Variants in MCMBP observed in about 807,000 individuals in gnomAD.
The protein encoded by MCMBP is minichromosome maintenance complex binding protein, also known as mini-chromosome maintenance complex-binding protein.
MCMBP carries 31 observed loss-of-function variants against 81.3 expected under a neutral mutation model. That is an observed-to-expected ratio of 0.38 (90% CI 0.29 to 0.51). MCMBP has a LOEUF of 0.51. MCMBP is among the 20% of genes least tolerant of loss of function. The pLI is 0.87. For missense variants in MCMBP, 645 were observed against 772.1 expected (o/e 0.84, Z 1.95); for synonymous variants, 267 against 275.9 (o/e 0.97, Z 0.32).
rs777979677 is a variant in MCMBP at position 119,843,435 on chromosome 10, A to T, written c.828-9T>A. On this transcript the variant is annotated splice_polypyrimidine_tract_variant and intron_variant, in intron 8 of 15. Transcript: ENST00000369077. ...GCAGTGCAGAGGCATCCCTGTGGAG[A>T]GGTGATAAAGTTTCAATTTAGAGAG... 1.9e-6 allele frequency: 3 copies of T among 1,606,638 alleles called. No individual in the cohort carries two copies. Among genetic ancestry groups the T allele is most frequent in the Middle Eastern group, 1.7e-4 (1 of 6,036 alleles).
Position 119,843,294 on chromosome 10 carries a change from T to C in MCMBP, c.960A>G (p.Pro320=). Residue 320 remains proline (P), a synonymous_variant, in exon 9 of 16, where the codon CCA becomes CCG. Coordinates refer to ENST00000369077, the MANE Select transcript of MCMBP (RefSeq NM_001256378.2). ...CTTTGTTAAGGCAGGCAGGCAATAATGGGTTGATGTGTTGCAACTTCTGGG... is the reference window on the plus strand; with the variant it reads ...CTTTGTTAAGGCAGGCAGGCAATAACGGGTTGATGTGTTGCAACTTCTGGG... The part of the protein sequence containing the change: ...ILAQKLQHIN[P]LLPACLNKEE... 2 of 1,613,942 alleles carry C rather than the reference T, an allele frequency of 1.2e-6. No individual in the cohort carries two copies. The highest frequency in any genetic ancestry group is 8.5e-7 in the Non-Finnish European group (1 of 1,179,860).
chr10:119,854,343 G>A (rs983400099), intron 5 of MCMBP, among the ~76,000 whole-genome samples: 25 of 151,214 alleles, frequency 1.7e-4, no homozygotes, highest in African/African-American at 5.6e-4. Flanking sequence ...TGCCTGGTCT[G>A]TTTTTTTAAA....
At position 119,854,666 on chromosome 10, in the gene MCMBP, AT is replaced by A. The variant is rs1305335403; in HGVS notation, c.430-1473del. On this transcript the variant is annotated intron_variant, in intron 5 of 15. Coordinates refer to ENST00000369077, the MANE Select transcript of MCMBP (RefSeq NM_001256378.2). Reference sequence around the variant, plus strand: ...CAACAGATCTGTATTTAAAAAAAAAATAATTGCTGGCCGGGCATAGTGGCTT... The same window carrying A: ...CAACAGATCTGTATTTAAAAAAAAAAAATTGCTGGCCGGGCATAGTGGCTT... Among the ~76,000 whole-genome samples, 3 of 152,034 alleles carry A rather than the reference AT, an allele frequency of 2.0e-5. No homozygotes were observed. The East Asian group carries it at 5.8e-4, about 30-fold the overall frequency.
At chr10:119,871,555 C>A (rs1274666816) in intron 1 of MCMBP, among the ~76,000 whole-genome samples, 1 of 152,136 alleles carries the variant, frequency 6.6e-6, no homozygotes, top group Non-Finnish European at 1.5e-5. Flanking sequence ...ATAAGAAATA[C>A]CATACATTGT....
At position 119,858,451 on chromosome 10, in the gene MCMBP, GGAAT is replaced by G. The variant is rs199735982; in HGVS notation, c.327+429_327+432del. 5.9e-3 allele frequency among the ~76,000 whole-genome samples: 896 copies of G among 152,138 alleles called. 26 individuals are homozygous for G. The highest frequency in any genetic ancestry group is 0.046 in the Admixed American group (701 of 15,290). On this transcript the variant is annotated intron_variant, in intron 4 of 15. Coordinates refer to ENST00000369077, the MANE Select transcript of MCMBP (RefSeq NM_001256378.2). Reference sequence around the variant, plus strand: ...CTGAAAGAGAACATGCCTTTCCTAGGGAATAATATATGACTTTTGAATCTCATCT... The same window carrying G: ...CTGAAAGAGAACATGCCTTTCCTAGGAATATATGACTTTTGAATCTCATCT...
At chr10:119,841,073 A>T (rs1009633477) in intron 10 of MCMBP, 113 bp from the exon 11 acceptor site, 4 of 701,996 alleles carry the variant, frequency 5.7e-6, no homozygotes, top group African/African-American at 5.5e-5. Context: ...AAACCAGAAT[A>T]TTCTGACCAG....
In MCMBP at chr10:119,854,879, G is replaced by A. The variant is rs996210719; in HGVS notation, c.430-1685C>T. 5.3e-5 allele frequency among the ~76,000 whole-genome samples: 8 copies of A among 151,192 alleles called. No homozygotes were observed. In the South Asian group the frequency reaches 6.2e-4, roughly 12 times the overall value. Reference sequence around the variant, plus strand: ...TGAGGCAGGAGAATCACTTGAACCCGGGAAGCGGAGGTTGCAGTGAGCCGA... The same window carrying A: ...TGAGGCAGGAGAATCACTTGAACCCAGGAAGCGGAGGTTGCAGTGAGCCGA... On this transcript the variant is annotated intron_variant, in intron 5 of 15. Transcript: ENST00000369077.
intron 13 of MCMBP, 24 bp downstream of exon 13, chr10:119,836,872 C>A: frequency 6.5e-7 from 1 of 1,534,698 alleles, no homozygotes; most frequent in South Asian, 1.2e-5. Context: ...CAACCTCCCT[C>A]CATTTAAAAA....
At chr10:119,832,231 C>G (rs959750859) in intron 14 of MCMBP, 131 bp from the exon 15 acceptor site, 13 of 617,084 alleles carry the variant, frequency 2.1e-5, no homozygotes, top group Non-Finnish European at 3.6e-5. Flanking sequence ...GTGAAAGTAC[C>G]AAAGCATATA....
chr10:119,843,925 G>C (rs1266300958), intron 8 of MCMBP, among the ~76,000 whole-genome samples: 1 of 152,028 alleles, frequency 6.6e-6, no homozygotes, highest in African/African-American at 2.4e-5. Flanking sequence ...GCCTCTCAAA[G>C]TGCTGGGATT....
intron 9 of MCMBP, 53 bp from the exon 10 acceptor site, chr10:119,842,648 G>A (rs1852473806): frequency 6.4e-7 from 1 of 1,563,974 alleles, no homozygotes; most frequent in East Asian, 2.3e-5. Flanking sequence ...TTCCTCTCAA[G>A]TGTCTTAGGT....
At chr10:119,854,501 G>C (rs1055555665) in intron 5 of MCMBP, among the ~76,000 whole-genome samples, 11 of 150,680 alleles carry the variant, frequency 7.3e-5, no homozygotes, top group Middle Eastern at 3.4e-3. Context: ...TCAGGAGTTC[G>C]AGACCAGCCT....
intron 14 of MCMBP, among the ~76,000 whole-genome samples, chr10:119,833,380 C>CA (rs1852115186): frequency 6.6e-6 from 1 of 151,490 alleles, no homozygotes; most frequent in South Asian, 2.1e-4. Context: ...TGGTGGCTTA[C>CA]ACCTGTAATC....
At chr10:119,862,309 C>T (rs562303441) in intron 1 of MCMBP, among the ~76,000 whole-genome samples, 2 of 151,924 alleles carry the variant, frequency 1.3e-5, no homozygotes, top group Non-Finnish European at 1.5e-5. Flanking sequence ...CTTCGTCCCC[C>T]CCCACACCAC....
intron 1 of MCMBP, among the ~76,000 whole-genome samples, chr10:119,864,897 T>G (rs371148006): frequency 1.1e-4 from 17 of 152,252 alleles, no homozygotes; most frequent in African/African-American, 4.1e-4. Flanking sequence ...TGTTTAGAAG[T>G]GTTCTTCTTA....
At chr10:119,840,451 G>A (rs1357726743) in intron 11 of MCMBP, among the ~76,000 whole-genome samples, 2 of 152,026 alleles carry the variant, frequency 1.3e-5, no homozygotes, top group Non-Finnish European at 2.9e-5. Flanking sequence ...TTCCAAACAG[G>A]AATTAAAATT....
Position 119,871,084 on chromosome 10 carries a change from A to T in MCMBP, c.58+1443T>A, listed in dbSNP as rs1002407028. Among the ~76,000 whole-genome samples, 7 of 152,332 alleles carry T rather than the reference A, an allele frequency of 4.6e-5. No individual in the cohort carries two copies. The East Asian group carries it at 1.4e-3, about 29-fold the overall frequency. On this transcript the variant is annotated intron_variant, in intron 1 of 15. Transcript: ENST00000369077. ...AGAGTATGGGGTATTTCTAATAAAT[A>T]AACTTTCTAATATTAGTAACTGAAA...
intron 6 of MCMBP, among the ~76,000 whole-genome samples, chr10:119,850,565 C>G (rs907798913): frequency 6.6e-6 from 1 of 151,566 alleles, no homozygotes. Context: ...CTGGCTAACA[C>G]GGTGAAACCC....
At chr10:119,849,945 A>C (rs1048412822) in intron 6 of MCMBP, among the ~76,000 whole-genome samples, 3 of 152,224 alleles carry the variant, frequency 2.0e-5, no homozygotes, top group African/African-American at 7.2e-5. Context: ...GGTAGAACAT[A>C]CTTTTTCTAT....
Sources: allele counts gnomAD v4.1 joint callset (sites outside exome capture counted in the v4.1 genomes callset), GRCh38; gene constraint gnomAD v4.1.1; transcripts MANE v1.5; gene names NCBI Gene and HGNC (gene_info 2026-07-23, HGNC 2026-07-21).